RSF1: variants seen among roughly 807,000 people sequenced by gnomAD.
RSF1 encodes the protein remodeling and spacing factor 1, also known as HBV pX-associated protein 8.
A neutral mutation model predicts 145.2 loss-of-function variants in RSF1; 13 were observed. The ratio of observed to expected loss-of-function variants is 0.09; its 90% CI spans 0.06 to 0.14. The LOEUF (loss-of-function observed/expected upper bound fraction) is 0.14. RSF1 is among the 10% of genes least tolerant of loss of function. The probability of loss-of-function intolerance (pLI) is 1.00; values close to 1 mark genes in which losing one functional copy is unlikely to be tolerated. For missense variants in RSF1, 1,517 were observed against 1,718.2 expected, an observed-to-expected ratio of 0.88 and a Z score of 2.07; for synonymous variants, 577 against 592.6, an observed-to-expected ratio of 0.97 and a Z score of 0.38.
At chr11:77,802,605 G>A (rs1018518377) in intron 1 of RSF1, among the ~76,000 whole-genome samples, 1 of 151,970 alleles carries the variant, frequency 6.6e-6, no homozygotes, top group Admixed American at 6.6e-5. Flanking sequence ...ATGCAATGGC[G>A]CGATCTCAGC....
intron 1 of RSF1, among the ~76,000 whole-genome samples, chr11:77,773,942 A>G (rs1299592241): frequency 6.6e-6 from 1 of 152,140 alleles, no homozygotes; most frequent in African/African-American, 2.4e-5. Flanking sequence ...GGTTCTTATC[A>G]GTGTAATATC....
At chr11:77,726,112 T>C (rs991863828) in intron 4 of RSF1, among the ~76,000 whole-genome samples, 1 of 152,266 alleles carries the variant, frequency 6.6e-6, no homozygotes, top group Non-Finnish European at 1.5e-5. Flanking sequence ...CTTTTCTACC[T>C]TCAGAGATAA....
the RSF1 span, chr11:77,841,076 C>T: frequency 1.6e-6 from 1 of 636,736 alleles, no homozygotes; most frequent in Non-Finnish European, 2.9e-6. Context: ...AGCCTTCTTG[C>T]TGCATCATCC....
At chr11:77,722,908 T>TA (rs2086718541) in intron 5 of RSF1, among the ~76,000 whole-genome samples, 1 of 152,232 alleles carries the variant, frequency 6.6e-6, no homozygotes, top group African/African-American at 2.4e-5. Flanking sequence ...ACTACACAAT[T>TA]AGTCTCCCTT....
chr11:77,813,634 C>T, intron 1 of RSF1: 1 of 601,866 alleles, frequency 1.7e-6, no homozygotes, highest in Non-Finnish European at 3.1e-6. Context: ...TGAACTGCCA[C>T]CTCCAGCTCC....
At chr11:77,711,526 G>A (rs1031218028) in intron 5 of RSF1, among the ~76,000 whole-genome samples, 2 of 151,982 alleles carry the variant, frequency 1.3e-5, no homozygotes, top group Non-Finnish European at 2.9e-5. Flanking sequence ...AAAATTAGCC[G>A]GGCGTGGTTG....
At chr11:77,792,010 T>C (rs1948522351) in intron 1 of RSF1, among the ~76,000 whole-genome samples, 1 of 152,182 alleles carries the variant, frequency 6.6e-6, no homozygotes, top group African/African-American at 2.4e-5. Flanking sequence ...TACTCTGTTG[T>C]CATGCTGCTG....
rs142438954 is a variant in RSF1, at chr11:77,676,817, C to T, written c.3316G>A (p.Glu1106Lys). ...SDSNLDEEES[E>K]DEFKISDGSQ... ...CCATCACTGATCTTGAATTCATCCT[C>T]GCTCTCTTCTTCATCCAGGTTGCTA... Residue 1106 changes from glutamate to lysine, a missense_variant, in exon 13 of 16, where the codon GAG becomes AAG. Physicochemically the swap from Glu to Lys is moderately conservative, Grantham distance 56. Around this residue, in one of 12 missense-constraint regions of RSF1, gnomAD observed 231 missense variants for 276.6 expected, o/e 0.84. Coordinates refer to ENST00000308488, the MANE Select transcript of RSF1 (RefSeq NM_016578.4). 2.5e-6 allele frequency: 4 copies of T among 1,613,718 alleles called. No individual in the cohort carries two copies. Among genetic ancestry groups the T allele is most frequent in the Non-Finnish European group, 3.4e-6 (4 of 1,179,860 alleles).
At chr11:77,731,519 A>G (rs1961206353) in intron 4 of RSF1, among the ~76,000 whole-genome samples, 1 of 152,230 alleles carries the variant, frequency 6.6e-6, no homozygotes, top group African/African-American at 2.4e-5. Context: ...CCCTGAGACA[A>G]TGGGGAAAAT....
chr11:77,698,765 C>T, intron 6 of RSF1, 72 bp from the exon 7 acceptor site: 1 of 1,262,628 alleles, frequency 7.9e-7, no homozygotes, highest in South Asian at 1.2e-5. Flanking sequence ...GATTACATGT[C>T]CATTGTATAA....
At chr11:77,801,012 CA>C (rs111666877) in intron 1 of RSF1, among the ~76,000 whole-genome samples, 25,291 of 146,548 alleles carry the variant, frequency 0.17, 2,548 homozygotes, top group African/African-American at 0.27. Context: ...CTCTCTCTCT[CA>C]AAAAAAAAAA....
At chr11:77,709,500 T>C (rs1960629375) in intron 5 of RSF1, among the ~76,000 whole-genome samples, 1 of 152,186 alleles carries the variant, frequency 6.6e-6, no homozygotes, top group African/African-American at 2.4e-5. Flanking sequence ...AGAGTATATG[T>C]CAACAACTGA....
intron 1 of RSF1, among the ~76,000 whole-genome samples, chr11:77,780,396 T>C (rs1948390852): frequency 6.6e-6 from 1 of 152,204 alleles, no homozygotes; most frequent in South Asian, 2.1e-4. Flanking sequence ...CAATCAACCA[T>C]TCCATGCCAT....
chr11:77,748,457 G>A (rs918359563), intron 2 of RSF1, among the ~76,000 whole-genome samples: 1 of 151,656 alleles, frequency 6.6e-6, no homozygotes, highest in African/African-American at 2.4e-5. Flanking sequence ...ACAGTTTAAA[G>A]ACTCACAGGA....
At chr11:77,777,589 G>A (rs538051730) in intron 1 of RSF1, among the ~76,000 whole-genome samples, 11 of 152,186 alleles carry the variant, frequency 7.2e-5, no homozygotes, top group Admixed American at 2.0e-4. Flanking sequence ...GCGAAACTCC[G>A]TCTCAAAATA....
upstream of RSF1, among the ~76,000 whole-genome samples, chr11:77,823,008 G>T (rs1948991209): frequency 6.6e-6 from 1 of 152,074 alleles, no homozygotes; most frequent in Non-Finnish European, 1.5e-5. Flanking sequence ...GAGGTCAGGA[G>T]ATCAAGACCA....
chr11:77,775,557 A>T (rs1948333917), intron 1 of RSF1, among the ~76,000 whole-genome samples: 1 of 152,212 alleles, frequency 6.6e-6, no homozygotes, highest in South Asian at 2.1e-4. Flanking sequence ...AATTAAAGAA[A>T]TACTTACACA....
At chr11:77,751,135 G>A (rs1392495899) in intron 2 of RSF1, among the ~76,000 whole-genome samples, 4 of 152,092 alleles carry the variant, frequency 2.6e-5, no homozygotes, top group Non-Finnish European at 4.4e-5. Flanking sequence ...TAAAGGTTCC[G>A]TATCAGCTCA....
In RSF1 at chr11:77,712,094, T is replaced by C. The variant is rs552492192; in HGVS notation, c.734-9599A>G. The stretch of plus-strand genomic sequence containing the variant: ...TGTATAAAGAGTTACATGATGTCAA[T>C]ATACCTGATATGGTTTGGCTGTGTC... On this transcript the variant is annotated intron_variant, in intron 5 of 15. Coordinates refer to ENST00000308488, the MANE Select transcript of RSF1 (RefSeq NM_016578.4). Among the ~76,000 whole-genome samples, 18 of 152,354 alleles carry C rather than the reference T, an allele frequency of 1.2e-4. No individual in the cohort carries two copies. In the South Asian group the frequency reaches 3.3e-3, roughly 28 times the overall value.
Sources: gnomAD v4.1 joint callset for allele counts (sites outside exome capture counted in the v4.1 genomes callset) on GRCh38, gnomAD v4.1.1 for gene constraint, gnomAD v4.1.1 regional missense constraint, MANE v1.5 for transcripts, NCBI Gene and HGNC (gene_info 2026-07-23, HGNC 2026-07-21) for gene names.